The following SPEF2 variants were observed in gnomAD, a reference collection of about 807,000 sequenced individuals.
SPEF2 encodes the protein sperm flagellar and cilia associated 2, also known as sperm flagella and cilia-associated protein 2.
SPEF2 carries 187 observed loss-of-function variants against 224.6 expected under a neutral mutation model. That is an observed-to-expected ratio of 0.83 (90% CI 0.74 to 0.94). The LOEUF (loss-of-function observed/expected upper bound fraction) is 0.94, where lower values mean the gene tolerates loss of function less well. SPEF2 is among the 40% of genes least tolerant of loss of function. The probability of loss-of-function intolerance (pLI) is 0.00; values close to 1 mark genes in which losing one functional copy is unlikely to be tolerated. For missense variants in SPEF2, 2,170 were observed against 2,135.6 expected (o/e 1.02, Z -0.32); for synonymous variants, 715 against 707.3 (o/e 1.01, Z -0.17).
intron 26 of SPEF2, among the ~76,000 whole-genome samples, chr5:35,770,551 A>T (rs1280747173): frequency 6.6e-6 from 1 of 152,104 alleles, no homozygotes; most frequent in Non-Finnish European, 1.5e-5. Context: ...CCACTCTTGT[A>T]CACTCTACTT....
At chr5:35,686,945 T>C (rs565584753) in intron 10 of SPEF2, among the ~76,000 whole-genome samples, 30 of 151,790 alleles carry the variant, frequency 2.0e-4, no homozygotes, top group Non-Finnish European at 3.1e-4. Flanking sequence ...TTATGTGTGT[T>C]TGTGTGTGTG....
intron 10 of SPEF2, among the ~76,000 whole-genome samples, chr5:35,686,946 T>G (rs909140855): frequency 6.6e-6 from 1 of 151,066 alleles, no homozygotes; most frequent in Non-Finnish European, 1.5e-5. Context: ...TATGTGTGTT[T>G]GTGTGTGTGT....
intron 2 of SPEF2, 108 bp from the exon 3 acceptor site, chr5:35,641,323 G>A: frequency 1.6e-6 from 2 of 1,276,612 alleles, no homozygotes; most frequent in Non-Finnish European, 2.2e-6. Flanking sequence ...ACAGCTAAAA[G>A]GACATGAAAT....
intron 6 of SPEF2, among the ~76,000 whole-genome samples, chr5:35,654,016 T>C (rs1317691868): frequency 1.4e-5 from 2 of 148,024 alleles, no homozygotes; most frequent in Non-Finnish European, 3.0e-5. Context: ...TCCTCAGCAC[T>C]TTGGAAGGCC....
chr5:35,692,803 C>T, intron 12 of SPEF2, 79 bp downstream of exon 12: 1 of 1,407,006 alleles, frequency 7.1e-7, no homozygotes, highest in Non-Finnish European at 9.7e-7. Flanking sequence ...AAGGTCTTCT[C>T]TAGACCAGAA....
chr5:35,676,384 T>C (rs1334066976), intron 10 of SPEF2, among the ~76,000 whole-genome samples: 1 of 152,258 alleles, frequency 6.6e-6, no homozygotes, highest in Middle Eastern at 3.4e-3. Flanking sequence ...ATTCAATCAA[T>C]TCCTCGGAAT....
intron 30 of SPEF2, chr5:35,787,935 A>C (rs906921395): frequency 1.6e-6 from 1 of 625,376 alleles, no homozygotes; most frequent in Admixed American, 2.6e-5. Context: ...CTTGACCATT[A>C]TCTTCCAAAA....
At chr5:35,685,861 CAAA>C (rs374830821) in intron 10 of SPEF2, among the ~76,000 whole-genome samples, 3 of 130,850 alleles carry the variant, frequency 2.3e-5, no homozygotes, top group Non-Finnish European at 3.4e-5. Context: ...ATACCTTCCT[CAAA>C]AAAAAAAAAA....
intron 27 of SPEF2, 33 bp downstream of exon 27, chr5:35,771,789 T>C (rs539449643): frequency 1.3e-6 from 2 of 1,564,204 alleles, no homozygotes; most frequent in Admixed American, 2.1e-5. Flanking sequence ...GAACCCTGGA[T>C]GCCTAAACCT....
intron 10 of SPEF2, among the ~76,000 whole-genome samples, chr5:35,687,931 TTTTGCAAGCAAAAAAA>T (rs1296703206): frequency 2.7e-5 from 4 of 148,594 alleles, no homozygotes; most frequent in Non-Finnish European, 4.4e-5. Flanking sequence ...AGCAAAAAAT[TTTTGCAAGCAAAAAAA>T]TTTGCAAGCA....
chr5:35,787,860 T>C, intron 30 of SPEF2: 2 of 559,158 alleles, frequency 3.6e-6, no homozygotes, highest in South Asian at 5.3e-5. Context: ...TGGAGTTATT[T>C]TAAAGGCAGG....
chr5:35,751,128 C>T (rs1749584128), intron 23 of SPEF2, among the ~76,000 whole-genome samples: 1 of 90,678 alleles, frequency 1.1e-5, no homozygotes, highest in Admixed American at 1.2e-4. Context: ...TGATGGAATG[C>T]TACTCAGCCA....
intron 25 of SPEF2, 24 bp from the exon 26 acceptor site, chr5:35,763,497 CT>C: frequency 6.6e-7 from 1 of 1,516,680 alleles, no homozygotes; most frequent in South Asian, 1.4e-5. Context: ...ATTTTTTATC[CT>C]TTTTGCTTGT....
At position 35,624,954 on chromosome 5, in the gene SPEF2, G is replaced by A. The variant is rs192511687; in HGVS notation, c.59-3506G>A. On this transcript the variant is annotated intron_variant, in intron 1 of 36. Transcript: ENST00000356031. ...CCAGCCCTGTCTTCTTATTTTATACGTTTTAGTGTATCAGTCCTAGTGTAT... is the reference window on the plus strand; with the variant it reads ...CCAGCCCTGTCTTCTTATTTTATACATTTTAGTGTATCAGTCCTAGTGTAT... Among the ~76,000 whole-genome samples the A allele has an allele frequency of 1.8e-3, 273 of 152,202 alleles. 1 individual carries two copies. The highest frequency in any genetic ancestry group is 6.3e-3 in the African/African-American group (263 of 41,548).
chr5:35,633,911 T>A (rs972835441), intron 2 of SPEF2, among the ~76,000 whole-genome samples: 2 of 152,066 alleles, frequency 1.3e-5, no homozygotes, highest in Non-Finnish European at 2.9e-5. Flanking sequence ...AAAAATTTGC[T>A]CCAGTGTAGC....
intron 21 of SPEF2, among the ~76,000 whole-genome samples, chr5:35,735,192 C>T (rs533234450): frequency 6.6e-6 from 1 of 152,168 alleles, no homozygotes; most frequent in Non-Finnish European, 1.5e-5. Context: ...AAAGTACCTA[C>T]CTACATAGGA....
chr5:35,764,546 TG>T (rs1327007829), intron 26 of SPEF2: 4 of 456,026 alleles, frequency 8.8e-6, no homozygotes, highest in African/African-American at 8.0e-5. Context: ...TGCCAGGTCC[TG>T]GGTCTACCAA....
intron 29 of SPEF2, among the ~76,000 whole-genome samples, chr5:35,778,751 T>C (rs866949799): frequency 2.0e-5 from 3 of 152,212 alleles, no homozygotes; most frequent in African/African-American, 4.8e-5. Context: ...TTATGCCATA[T>C]AACCTTATTC....
intron 8 of SPEF2, among the ~76,000 whole-genome samples, chr5:35,664,505 C>T (rs1276183083): frequency 2.0e-5 from 3 of 152,054 alleles, no homozygotes; most frequent in Non-Finnish European, 4.4e-5. Context: ...CATGGTGAAA[C>T]CCTGTCTCTA....
Sources: allele counts gnomAD v4.1 joint callset (sites outside exome capture counted in the v4.1 genomes callset), GRCh38; gene constraint gnomAD v4.1.1; transcripts MANE v1.5; gene names NCBI Gene and HGNC (gene_info 2026-07-23, HGNC 2026-07-21).